Variants in SLC26A9 observed in about 807,000 individuals in gnomAD.
SLC26A9 encodes the protein solute carrier family 26 member 9.
Under a neutral mutation model 87.1 loss-of-function variants are expected in SLC26A9, and 46 were observed. The observed-to-expected ratio is 0.53, with a 90% CI of 0.42 to 0.67. The LOEUF is 0.67. Among genes scored for constraint, SLC26A9 ranks in the 30% least tolerant of loss-of-function variants. The pLI, the probability that SLC26A9 is intolerant of heterozygous loss-of-function variation, is 0.00. For synonymous variants in SLC26A9, 437 were observed against 409.1 expected, an observed-to-expected ratio of 1.07 and a Z score of -0.82; for missense variants, 927 against 1,018.3, an observed-to-expected ratio of 0.91 and a Z score of 1.22.
intron 2 of SLC26A9, 90 bp downstream of exon 2, chr1:205,935,606 A>G (rs1420534470): frequency 5.8e-6 from 9 of 1,564,842 alleles, no homozygotes; most frequent in Non-Finnish European, 7.8e-6. Context: ...ACCCCATCTT[A>G]GGGATACCAG....
rs1318327348 is a variant in SLC26A9, at chr1:205,927,904, G to C, written c.1099C>G (p.Gln367Glu). The change falls in exon 9 of 21, where the codon CAG becomes GAG. Residue 367 changes from glutamine (Q) to glutamate (E), a missense_variant and splice_region_variant. Gln to Glu is a conservative substitution (Grantham distance 29). Transcript: ENST00000367135. ...CTGCCGGGGGTGGCCAGAGCTACCT[G>C]GTTCGAATCCACGTCGTAGCCGTGC... is the stretch of plus-strand genomic sequence containing the variant. ...NKHGYDVDSNQEMIALGCSNF... is the reference protein window; with the variant it reads ...NKHGYDVDSNEEMIALGCSNF... 1.2e-6 allele frequency: 2 copies of C among 1,613,826 alleles called. No individual in the cohort carries two copies. Among genetic ancestry groups the C allele is most frequent in the African/African-American group, 2.7e-5 (2 of 74,944 alleles).
chr1:205,920,324 CAAACAAAT>C (rs1431514897), intron 17 of SLC26A9, 94 bp from the exon 18 acceptor site: 1 of 1,496,398 alleles, frequency 6.7e-7, no homozygotes, highest in Non-Finnish European at 9.3e-7. Context: ...GAGGGGAAGC[CAAACAAAT>C]AAGCAACCCT....
rs1558124577 is a variant in SLC26A9, at chr1:205,927,883, CG to C, written c.1101+18del. The C allele has an allele frequency of 6.2e-7, 1 of 1,611,838 alleles. No homozygotes were observed. Among genetic ancestry groups the C allele is most frequent in the Non-Finnish European group, 8.5e-7 (1 of 1,178,698 alleles). On this transcript the variant is annotated intron_variant, in intron 9 of 20. Coordinates refer to ENST00000367135, the MANE Select transcript of SLC26A9 (RefSeq NM_052934.4). Reference sequence around the variant, plus strand: ...GTTGACCTGTCCTGCCCAGTCCTGCCGGGGGTGGCCAGAGCTACCTGGTTCG... The same window carrying C: ...GTTGACCTGTCCTGCCCAGTCCTGCCGGGGTGGCCAGAGCTACCTGGTTCG...
chr1:205,927,393 G>A lies in SLC26A9; in HGVS notation c.1215+99C>T, dbSNP rs574309709. On this transcript the variant is annotated intron_variant, in intron 10 of 20. Transcript: ENST00000367135. ...GGAGTGGAGACTAAGACGGGAAGAA[G>A]GGGTCGGAGAAGAGCTGGCCTGGCT... 4 of 1,554,112 alleles carry A rather than the reference G, an allele frequency of 2.6e-6. No homozygotes were observed. The South Asian group carries it at 4.5e-5, about 17-fold the overall frequency.
chr1:205,923,227 C>T (rs1044936671), intron 15 of SLC26A9, 32 bp from the exon 16 acceptor site: 13 of 1,612,216 alleles, frequency 8.1e-6, no homozygotes, highest in African/African-American at 1.3e-5. Flanking sequence ...CAATCTTGAC[C>T]TCCACCCTCT....
chr1:205,932,933 G>A lies in SLC26A9; in HGVS notation c.265+12C>T, dbSNP rs1659365611. On this transcript the variant is annotated intron_variant, in intron 3 of 20. Coordinates refer to ENST00000367135, the MANE Select transcript of SLC26A9 (RefSeq NM_052934.4). ...AGTGGCAATCCAGGCCTGGCTGAAG[G>A]AGCCCCTTCACCTTGTGGGACCTGG... 6.2e-7 allele frequency: 1 copy of A among 1,613,782 alleles called. No individual in the cohort carries two copies. Among genetic ancestry groups the A allele is most frequent in the African/African-American group, 1.3e-5 (1 of 75,042 alleles).
rs376675948 is a variant in SLC26A9 at position 205,918,828 on chromosome 1, C to T, written c.2256+12G>A. The T allele has an allele frequency of 3.1e-6, 5 of 1,608,394 alleles. No individual in the cohort carries two copies. In the African/African-American group the frequency reaches 5.3e-5, roughly 17 times the overall value. ...CTTGGAGCCTAGGATTCCCCAGGTGCAAGAACCTTACCCCTTGGAAGTTGT... is the reference window on the plus strand; with the variant it reads ...CTTGGAGCCTAGGATTCCCCAGGTGTAAGAACCTTACCCCTTGGAAGTTGT... On this transcript the variant is annotated intron_variant, in intron 19 of 20. Transcript: ENST00000367135.
At chr1:205,942,148 G>A (rs1440968291) in intron 1 of SLC26A9, among the ~76,000 whole-genome samples, 3 of 152,222 alleles carry the variant, frequency 2.0e-5, no homozygotes, top group Non-Finnish European at 4.4e-5. Flanking sequence ...CCAATCTCCG[G>A]AAGACTCTGG....
At chr1:205,935,625 C>A in intron 2 of SLC26A9, 71 bp downstream of exon 2, 1 of 1,597,406 alleles carries the variant, frequency 6.3e-7, no homozygotes. Flanking sequence ...AGTGCAGAAG[C>A]CGTGTCCTGG....
intron 12 of SLC26A9, chr1:205,924,760 T>C (rs1332701348): frequency 5.0e-6 from 2 of 397,604 alleles, no homozygotes; most frequent in African/African-American, 2.1e-5. Flanking sequence ...TATAAGAGCA[T>C]GCATCTTGGG....
At position 205,929,995 on chromosome 1, in the gene SLC26A9, C is replaced by T. The variant is rs773009094; in HGVS notation, c.614G>A (p.Arg205Gln). ...VAIYLSESFI[R>Q]GFMTAAGLQI... is the part of the protein sequence containing the mutation. The stretch of plus-strand genomic sequence containing the variant: ...CAGGCCGGCGGCCGTCATGAAGCCC[C>T]GGATGAAGGACTCGGAGAGGTAGAT... Residue 205 changes from arginine to glutamine, a missense_variant, in exon 6 of 21, where the codon CGG becomes CAG. Arg to Gln is a conservative substitution (Grantham distance 43). Transcript: ENST00000367135. 22 of 1,613,644 alleles carry T rather than the reference C, an allele frequency of 1.4e-5. No homozygotes were observed. Among genetic ancestry groups the T allele is most frequent in the Non-Finnish European group, 1.5e-5 (18 of 1,179,738 alleles).
intron 20 of SLC26A9, 128 bp downstream of exon 20, chr1:205,917,155 G>T: frequency 4.4e-6 from 3 of 679,676 alleles, no homozygotes; most frequent in East Asian, 2.8e-5. Context: ...ACAAATCTTT[G>T]TGGCCTTGAA....
At position 205,917,325 on chromosome 1, in the gene SLC26A9, G is replaced by A. The variant is rs375480238; in HGVS notation, c.2286C>T (p.Tyr762=). The A allele has an allele frequency of 5.2e-5, 84 of 1,613,742 alleles. No individual in the cohort carries two copies. The highest frequency in any genetic ancestry group is 6.6e-5 in the Non-Finnish European group (78 of 1,179,946). The stretch of plus-strand genomic sequence containing the variant: ...AGCTGCGAATGTCCTCCTCTGAGTC[G>A]TACAAGGAGAGCTCAGCATCCCCTG... ...GAPGDAELSL[Y]DSEEDIRSYW... Residue 762 remains tyrosine, a synonymous_variant, in exon 20 of 21, where the codon TAC becomes TAT. Coordinates refer to ENST00000367135, the MANE Select transcript of SLC26A9 (RefSeq NM_052934.4).
At chr1:205,934,617 G>C (rs1325332897) in intron 2 of SLC26A9, among the ~76,000 whole-genome samples, 2 of 152,216 alleles carry the variant, frequency 1.3e-5, no homozygotes, top group African/African-American at 4.8e-5. Flanking sequence ...CCTTCTCTAT[G>C]CCAGGCACTG....
intron 1 of SLC26A9, among the ~76,000 whole-genome samples, chr1:205,937,535 G>A (rs1659557346): frequency 6.6e-6 from 1 of 152,210 alleles, no homozygotes; most frequent in African/African-American, 2.4e-5. Context: ...GCAGGCAGAT[G>A]CTATGAGGAT....
chr1:205,926,564 A>G lies in SLC26A9; in HGVS notation c.1360T>C (p.Tyr454His), dbSNP rs1197608649. ...NSLKQLTDPYYLWRKSKLDCC... is the reference protein window; with the variant it reads ...NSLKQLTDPYHLWRKSKLDCC... ...TCCAGCTTGCTCTTCCTCCACAGGT[A>G]GTAGGGGTCGGTGAGTTGCTTGAGG... The change falls in exon 12 of 21, where the codon TAC becomes CAC. Residue 454 changes from tyrosine (Y) to histidine (H), a missense_variant. Transcript: ENST00000367135. 6.2e-7 allele frequency: 1 copy of G among 1,614,042 alleles called. No homozygotes were observed. Among genetic ancestry groups the G allele is most frequent in the Non-Finnish European group, 8.5e-7 (1 of 1,180,038 alleles).
intron 16 of SLC26A9, 25 bp downstream of exon 16, chr1:205,923,057 G>T (rs756972838): frequency 6.2e-7 from 1 of 1,606,748 alleles, no homozygotes; most frequent in South Asian, 1.1e-5. Flanking sequence ...AGCAGGGCAC[G>T]GGGCTGCTTC....
At chr1:205,927,789 C>T (rs1407369460) in intron 9 of SLC26A9, 113 bp downstream of exon 9, 1 of 1,527,376 alleles carries the variant, frequency 6.5e-7, no homozygotes, top group Non-Finnish European at 8.9e-7. Flanking sequence ...CTATCCCCCA[C>T]ACTCGAGGCA....
At position 205,915,100 on chromosome 1, in the gene SLC26A9, G is replaced by A. The variant is rs1558116539; in HGVS notation, c.*257C>T. The A allele has an allele frequency of 1.9e-6, 3 of 1,614,090 alleles. No individual in the cohort carries two copies. Among genetic ancestry groups the A allele is most frequent in the Non-Finnish European group, 2.5e-6 (3 of 1,179,974 alleles). On this transcript the variant is annotated 3_prime_UTR_variant, in exon 21 of 21. Coordinates refer to ENST00000367135, the MANE Select transcript of SLC26A9 (RefSeq NM_052934.4). ...GTGAGCAGGAGGCTTGTCCATTGCG[G>A]CCAGGGCCTGACGGGTGAAGAGTGG...
Sources: gnomAD v4.1 joint callset for allele counts (sites outside exome capture counted in the v4.1 genomes callset) on GRCh38, gnomAD v4.1.1 for gene constraint, MANE v1.5 for transcripts, NCBI Gene and HGNC (gene_info 2026-07-23, HGNC 2026-07-21) for gene names.